The following SH3BP5L variants were observed in gnomAD, a reference collection of about 807,000 sequenced individuals.
The protein encoded by SH3BP5L is SH3 binding domain protein 5 like.
A neutral mutation model predicts 40.9 loss-of-function variants in SH3BP5L; 16 were observed. The ratio of observed to expected loss-of-function variants is 0.39; its 90% CI spans 0.27 to 0.59. The LOEUF is 0.59. Among genes scored for constraint, SH3BP5L ranks in the 20% least tolerant of loss-of-function variants. The pLI is 0.53. For synonymous variants in SH3BP5L, 229 were observed against 226.7 expected, an observed-to-expected ratio of 1.01 and a Z score of -0.09; for missense variants, 471 against 544.6, an observed-to-expected ratio of 0.86 and a Z score of 1.35.
chr1:248,817,082 G>A lies in SH3BP5L; in HGVS notation c.184-198C>T, dbSNP rs905997378. 36 of 1,520,164 alleles carry A rather than the reference G, an allele frequency of 2.4e-5. No homozygotes were observed. In the Admixed American group the frequency reaches 3.0e-4, roughly 13 times the overall value. The allele number at this position is 1,520,164 out of a possible 1,614,324, so 94.2% of individuals were successfully genotyped here. ...AGGGACCTGATACATACAATCTCAC[G>A]TAATCCTCACAACTCTACCTTGTAT... is the stretch of plus-strand genomic sequence containing the variant. On this transcript the variant is annotated intron_variant, in intron 2 of 6. Transcript: ENST00000366472.
At chr1:248,819,739 A>G (rs1484818428) in intron 2 of SH3BP5L, among the ~76,000 whole-genome samples, 1 of 151,396 alleles carries the variant, frequency 6.6e-6, no homozygotes, top group Non-Finnish European at 1.5e-5. Context: ...ACAAAAAAAA[A>G]TCTCATAATG....
chr1:248,824,000 C>G (rs1268743863), intron 2 of SH3BP5L, among the ~76,000 whole-genome samples: 2 of 152,214 alleles, frequency 1.3e-5, no homozygotes, highest in South Asian at 4.1e-4. Context: ...TGGAGTTGGT[C>G]TTCCTCACTG....
At chr1:248,814,395 G>T in intron 5 of SH3BP5L, 54 bp downstream of exon 5, 1 of 1,593,480 alleles carries the variant, frequency 6.3e-7, no homozygotes, top group Non-Finnish European at 8.6e-7. Flanking sequence ...TAAAGACATA[G>T]CAAAGGATGG....
At chr1:248,822,802 A>G (rs1301151819) in intron 2 of SH3BP5L, among the ~76,000 whole-genome samples, 1 of 151,576 alleles carries the variant, frequency 6.6e-6, no homozygotes, top group African/African-American at 2.4e-5. Flanking sequence ...AGCTGGGATT[A>G]CAGGCACCCG....
rs1454713194 is a variant in SH3BP5L at position 248,824,844 on chromosome 1, G to A, written c.92C>T (p.Pro31Leu). ...ACCTCCTCCAGGCTCTTCTGCGACTGGGCTCCTAGGGACTTCATCCTCTAC... is the reference window on the plus strand; with the variant it reads ...ACCTCCTCCAGGCTCTTCTGCGACTAGGCTCCTAGGGACTTCATCCTCTAC... The part of the protein sequence containing the change: ...EVVEDEVPRS[P>L]VAEEPGGGGS... The change falls in exon 2 of 7, where the codon CCA becomes CTA. Residue 31 changes from proline to leucine, a missense_variant. This residue lies in a region of SH3BP5L where 275 missense variants were observed against 370.1 expected (regional missense o/e 0.74). Transcript: ENST00000366472. The A allele has an allele frequency of 6.2e-7, 1 of 1,614,002 alleles. No individual in the cohort carries two copies. The highest frequency in any genetic ancestry group is 1.3e-5 in the African/African-American group (1 of 74,912).
In SH3BP5L at chr1:248,816,546, C is replaced by T. The variant is rs1250975179; in HGVS notation, c.363G>A (p.Arg121=). The T allele has an allele frequency of 6.2e-7, 1 of 1,614,070 alleles. No individual in the cohort carries two copies. The highest frequency in any genetic ancestry group is 2.2e-5 in the East Asian group (1 of 44,888). The stretch of plus-strand genomic sequence containing the variant: ...CAGCCAGCCATACCTCCTTAGCCAG[C>T]CGCCGAGCCTCATAGTAGGGCCGGG... The part of the protein sequence containing the change: ...EKARPYYEAR[R]LAKEAQQETQ... Residue 121 remains arginine (R), a synonymous_variant, in exon 4 of 7, where the codon CGG becomes CGA. Transcript: ENST00000366472.
intron 2 of SH3BP5L, among the ~76,000 whole-genome samples, chr1:248,822,698 T>C (rs1214088448): frequency 6.6e-6 from 1 of 151,702 alleles, no homozygotes; most frequent in African/African-American, 2.4e-5. Context: ...AGTTTCGCTC[T>C]TGTCACCCAG....
chr1:248,824,804 A>G lies in SH3BP5L; in HGVS notation c.132T>C (p.Ser44=), dbSNP rs748038373. 2 of 1,614,160 alleles carry G rather than the reference A, an allele frequency of 1.2e-6. No individual in the cohort carries two copies. Among genetic ancestry groups the G allele is most frequent in the Non-Finnish European group, 8.5e-7 (1 of 1,180,026 alleles). Residue 44 remains serine, a synonymous_variant, in exon 2 of 7, where the codon AGT becomes AGC. Coordinates refer to ENST00000366472, the MANE Select transcript of SH3BP5L (RefSeq NM_030645.3). ...EEPGGGGSSS[S]EAKLSPREEE... is the part of the protein sequence containing the mutation. ...CCTCTCTTGGGGACAATTTGGCCTC[A>G]CTGCTGCTGCTTCCACCTCCTCCAG...
intron 5 of SH3BP5L, 90 bp downstream of exon 5, chr1:248,814,359 G>A: frequency 7.2e-7 from 1 of 1,392,660 alleles, no homozygotes; most frequent in Non-Finnish European, 1.0e-6. Context: ...GGCTAGAATA[G>A]AGGGAAGAAT....
rs1416716754 is a variant in SH3BP5L, at chr1:248,816,802, A to G, written c.246+20T>C. 1 of 1,614,074 alleles carries G rather than the reference A, an allele frequency of 6.2e-7. No individual in the cohort carries two copies. Among genetic ancestry groups the G allele is most frequent in the East Asian group, 2.2e-5 (1 of 44,888 alleles). On this transcript the variant is annotated intron_variant, in intron 3 of 6. Transcript: ENST00000366472. ...TACTTCCAAGGACCAGCCCAAGCAC[A>G]TAAGGAAAAGGACACTCACATCCAG...
In SH3BP5L at chr1:248,811,917, G is replaced by A. The variant is rs1214579112; in HGVS notation, c.1165C>T (p.Arg389Cys). The part of the protein sequence containing the change: ...DGGARGGRHQ[R>C]SVSL ...CCCCTCGGCTACAGGCTGACGCTGCGCTGGTGCCGACCCCCACGGGCTCCG... is the reference window on the plus strand; with the variant it reads ...CCCCTCGGCTACAGGCTGACGCTGCACTGGTGCCGACCCCCACGGGCTCCG... The change falls in exon 7 of 7, where the codon CGC becomes TGC. Residue 389 changes from arginine (R) to cysteine (C), a missense_variant. Transcript: ENST00000366472. 2.6e-6 allele frequency: 4 copies of A among 1,537,962 alleles called. No homozygotes were observed. The highest frequency in any genetic ancestry group is 1.8e-6 in the Non-Finnish European group (2 of 1,140,074).
rs758645977 is a variant in SH3BP5L, at chr1:248,812,096, T to TCGGGGG, written c.980_985dup (p.Ala327_Pro328dup). 190 of 1,611,446 alleles carry TCGGGGG rather than the reference T, an allele frequency of 1.2e-4. 2 individuals are homozygous for TCGGGGG. In the South Asian group the frequency reaches 1.8e-3, roughly 15 times the overall value. On this transcript the variant is annotated inframe_insertion, in exon 7 of 7. Coordinates refer to ENST00000366472, the MANE Select transcript of SH3BP5L (RefSeq NM_030645.3). The surrounding 1 kb of genome is among the most constrained non-coding windows in gnomAD (Gnocchi z 6.1). ...GCTCAGCAGACTCAGGGTATCGGTG[T>TCGGGGG]CGGGGGCGGGGCCGGGCCCCAGGCT...
chr1:248,822,183 C>A (rs961753767), intron 2 of SH3BP5L, among the ~76,000 whole-genome samples: 1 of 152,206 alleles, frequency 6.6e-6, no homozygotes, highest in African/African-American at 2.4e-5. Context: ...AACACATGAT[C>A]AGAGCAATGT....
In SH3BP5L at chr1:248,812,915, A is replaced by G; in HGVS notation, c.711+74T>C. On this transcript the variant is annotated intron_variant, in intron 6 of 6. Coordinates refer to ENST00000366472, the MANE Select transcript of SH3BP5L (RefSeq NM_030645.3). The surrounding 1 kb of genome is among the most constrained non-coding windows in gnomAD (Gnocchi z 6.1). ...TGGCCACCTCACCAAGATGGCCCAG[A>G]GAGGCCGACCAGCATCCCCTCCAGC... 1 of 1,412,206 alleles carries G rather than the reference A, an allele frequency of 7.1e-7. No homozygotes were observed. The highest frequency in any genetic ancestry group is 9.6e-7 in the Non-Finnish European group (1 of 1,041,534). The allele number at this position is 1,412,206 out of a possible 1,614,324, so 87.5% of individuals were successfully genotyped here. A position where few individuals can be genotyped will look rare whatever the true frequency, so the allele number is the denominator to read the frequency against.
At chr1:248,817,154 A>C (rs768484909) in intron 2 of SH3BP5L, 183 of 924,764 alleles carry the variant, frequency 2.0e-4, no homozygotes, top group Non-Finnish European at 2.9e-4. Context: ...TGAGGTTTGG[A>C]GAATGCAACA....
chr1:248,813,371 T>C, intron 5 of SH3BP5L: 1 of 443,646 alleles, frequency 2.3e-6, no homozygotes, highest in Non-Finnish European at 3.9e-6. Context: ...TTGGATCTGC[T>C]GCCTGACCGT....
In SH3BP5L at chr1:248,816,408, G is replaced by A. The variant is rs77871429; in HGVS notation, c.375+126C>T. The A allele has an allele frequency of 8.8e-3, 11,165 of 1,272,918 alleles. 714 individuals are homozygous for A. The African/African-American group carries it at 0.14, about 16-fold the overall frequency. 78.9% of individuals were successfully genotyped at this position (1,272,918 alleles called of 1,614,324 possible). On this transcript the variant is annotated intron_variant, in intron 4 of 6. Transcript: ENST00000366472. Reference sequence around the variant, plus strand: ...GAGCCCACAGAGCTGGTTCCGACCAGCCAGGTCTAGCCCAGGGCTCTGCCC... The same window carrying A: ...GAGCCCACAGAGCTGGTTCCGACCAACCAGGTCTAGCCCAGGGCTCTGCCC...
At chr1:248,825,754 C>G in intron 1 of SH3BP5L, 81 bp downstream of exon 1, 1 of 469,120 alleles carries the variant, frequency 2.1e-6, no homozygotes, top group Non-Finnish European at 2.8e-6. Context: ...GTCTCCAATT[C>G]CACACTCTTC....
rs14088 is a variant in SH3BP5L, at chr1:248,810,645, C to G, written c.*1255G>C. ...CCCCCGTGCAGAGTCCAGTTGCCCACGCATCCCGGTTGCTGGCAGAACATG... is the reference window on the plus strand; with the variant it reads ...CCCCCGTGCAGAGTCCAGTTGCCCAGGCATCCCGGTTGCTGGCAGAACATG... On this transcript the variant is annotated 3_prime_UTR_variant, in exon 7 of 7. Coordinates refer to ENST00000366472, the MANE Select transcript of SH3BP5L (RefSeq NM_030645.3). 6.6e-6 allele frequency: 1 copy of G among 152,196 alleles called. No individual in the cohort carries two copies. 9.4% of individuals were successfully genotyped at this position (152,196 alleles called of 1,614,324 possible).
Sources: allele counts gnomAD v4.1 joint callset (sites outside exome capture counted in the v4.1 genomes callset), GRCh38; gene constraint gnomAD v4.1.1; regional missense constraint gnomAD v4.1.1; non-coding constraint Gnocchi (gnomAD v3.1); transcripts MANE v1.5; gene names NCBI Gene and HGNC (gene_info 2026-07-23, HGNC 2026-07-21).